The following ANKS1B variants were observed in gnomAD, a reference collection of about 807,000 sequenced individuals.
ANKS1B encodes the protein ankyrin repeat and sterile alpha motif domain-containing protein 1B.
ANKS1B carries 36 observed loss-of-function variants against 148.3 expected under a neutral mutation model. The ratio of observed to expected loss-of-function variants is 0.24; its 90% CI spans 0.19 to 0.32. The LOEUF (loss-of-function observed/expected upper bound fraction) is 0.32. Ranked by LOEUF, ANKS1B falls within the 10% of genes least tolerant of loss-of-function variation. The pLI, the probability that ANKS1B is intolerant of heterozygous loss-of-function variation, is 1.00. For missense variants in ANKS1B, 1,157 were observed against 1,542.6 expected, an observed-to-expected ratio of 0.75 and a Z score of 4.19; for synonymous variants, 542 against 560.8, an observed-to-expected ratio of 0.97 and a Z score of 0.47.
At chr12:98,906,770 A>G (rs1409791263) in intron 17 of ANKS1B, among the ~76,000 whole-genome samples, 1 of 152,258 alleles carries the variant, frequency 6.6e-6, no homozygotes, top group African/African-American at 2.4e-5. Flanking sequence ...TGGTGATTAC[A>G]GCAACAATGC....
chr12:99,302,028 C>T (rs903658242), intron 12 of ANKS1B, among the ~76,000 whole-genome samples: 1 of 151,764 alleles, frequency 6.6e-6, no homozygotes, highest in Admixed American at 6.6e-5. Context: ...TTAGCAGAAA[C>T]ACAGAAAACA....
intron 1 of ANKS1B, among the ~76,000 whole-genome samples, chr12:99,971,935 C>T: frequency 6.6e-6 from 1 of 152,180 alleles, no homozygotes; most frequent in East Asian, 1.9e-4. Context: ...TTTATAGGAA[C>T]CATGTGTCTA....
chr12:99,633,336 T>A (rs549066313), intron 9 of ANKS1B, among the ~76,000 whole-genome samples: 1 of 152,016 alleles, frequency 6.6e-6, no homozygotes, highest in South Asian at 2.1e-4. Flanking sequence ...ATACCACACA[T>A]CTACAACTAT....
chr12:99,483,088 G>A (rs1242556487), intron 10 of ANKS1B, among the ~76,000 whole-genome samples: 3 of 150,646 alleles, frequency 2.0e-5, no homozygotes, highest in African/African-American at 7.3e-5. Flanking sequence ...TCTCGGTGGG[G>A]GGAATGCTTT....
At chr12:99,866,476 T>C (rs941521363) in intron 1 of ANKS1B, among the ~76,000 whole-genome samples, 1 of 152,186 alleles carries the variant, frequency 6.6e-6, no homozygotes, top group Non-Finnish European at 1.5e-5. Flanking sequence ...ACGATTTTCT[T>C]CATAATTGGG....
At chr12:99,024,284 C>T (rs1001357584) in intron 17 of ANKS1B, among the ~76,000 whole-genome samples, 13 of 152,096 alleles carry the variant, frequency 8.5e-5, no homozygotes, top group South Asian at 2.1e-4. Context: ...TTTCTATATT[C>T]AGCATTCTGT....
intron 8 of ANKS1B, among the ~76,000 whole-genome samples, chr12:99,657,730 AAC>A (rs2098456714): frequency 6.6e-6 from 1 of 151,412 alleles, no homozygotes. Context: ...ATGATCAGCT[AAC>A]AGTTTGACCA....
chr12:99,122,016 T>G (rs956646422), intron 15 of ANKS1B, among the ~76,000 whole-genome samples: 1 of 152,120 alleles, frequency 6.6e-6, no homozygotes, highest in African/African-American at 2.4e-5. Flanking sequence ...GAAGTATTAT[T>G]TTAAAAATTG....
intron 12 of ANKS1B, among the ~76,000 whole-genome samples, chr12:99,345,895 C>A (rs1043379812): frequency 6.6e-6 from 1 of 151,962 alleles, no homozygotes; most frequent in Non-Finnish European, 1.5e-5. Flanking sequence ...ATAACCTTCA[C>A]AAAATTAGTT....
intron 25 of ANKS1B, among the ~76,000 whole-genome samples, chr12:98,763,258 G>C (rs569846039): frequency 3.3e-5 from 5 of 152,158 alleles, no homozygotes; most frequent in Non-Finnish European, 7.3e-5. Context: ...AATATTCTGG[G>C]CATATTCACA....
At chr12:99,575,391 T>A (rs2097506230) in intron 9 of ANKS1B, among the ~76,000 whole-genome samples, 1 of 151,872 alleles carries the variant, frequency 6.6e-6, no homozygotes, top group African/African-American at 2.4e-5. Flanking sequence ...CTTAAGGGAG[T>A]GCTAAACATG....
intron 26 of ANKS1B, among the ~76,000 whole-genome samples, chr12:98,749,083 T>C (rs2097991846): frequency 6.6e-6 from 1 of 151,590 alleles, no homozygotes; most frequent in African/African-American, 2.4e-5. Context: ...ACAGGTGGGG[T>C]CCCTGTGTGC....
At chr12:99,129,637 G>T (rs766189372) in intron 15 of ANKS1B, among the ~76,000 whole-genome samples, 3 of 152,172 alleles carry the variant, frequency 2.0e-5, no homozygotes, top group East Asian at 1.9e-4. Flanking sequence ...GGAGATCAGA[G>T]ATCCTCCACC....
chr12:99,225,522 G>A (rs1292837682), intron 14 of ANKS1B, among the ~76,000 whole-genome samples: 3 of 152,174 alleles, frequency 2.0e-5, no homozygotes, highest in Non-Finnish European at 4.4e-5. Context: ...TAACATTTGA[G>A]TCAGTGGACT....
intron 10 of ANKS1B, among the ~76,000 whole-genome samples, chr12:99,453,138 A>C (rs990728213): frequency 2.0e-5 from 3 of 151,994 alleles, no homozygotes; most frequent in Non-Finnish European, 2.9e-5. Flanking sequence ...AAAATACAAA[A>C]AATTAGCCAG....
intron 9 of ANKS1B, among the ~76,000 whole-genome samples, chr12:99,537,340 T>C (rs2097080686): frequency 6.6e-6 from 1 of 152,176 alleles, no homozygotes; most frequent in South Asian, 2.1e-4. Flanking sequence ...ACCTCCATAT[T>C]ATCCTCCATA....
chr12:99,648,132 G>A (rs779843101), intron 9 of ANKS1B: 5 of 1,582,442 alleles, frequency 3.2e-6, no homozygotes, highest in Non-Finnish European at 4.3e-6. Context: ...GTTAAGGAAG[G>A]TGTGGAGCAG....
chr12:99,532,500 A>G (rs1435166218), intron 9 of ANKS1B, among the ~76,000 whole-genome samples: 1 of 152,138 alleles, frequency 6.6e-6, no homozygotes, highest in Non-Finnish European at 1.5e-5. Flanking sequence ...AGCTGGGACT[A>G]CAGGCGCCTG....
chr12:99,317,781 G>A (rs2084421491), intron 12 of ANKS1B, among the ~76,000 whole-genome samples: 1 of 152,132 alleles, frequency 6.6e-6, no homozygotes, highest in Admixed American at 6.5e-5. Context: ...TGTCCATTCA[G>A]TATGATATTG....
Sources: gnomAD v4.1 joint callset for allele counts (sites outside exome capture counted in the v4.1 genomes callset) on GRCh38, gnomAD v4.1.1 for gene constraint, MANE v1.5 for transcripts, NCBI Gene and HGNC (gene_info 2026-07-23, HGNC 2026-07-21) for gene names.